ADARB2: variants seen among roughly 807,000 people sequenced by gnomAD.
ADARB2 encodes the protein inactive double-stranded RNA-specific editase B2.
A neutral mutation model predicts 62.2 loss-of-function variants in ADARB2; 25 were observed. The observed-to-expected ratio is 0.40, with a 90% confidence interval of 0.29 to 0.56. ADARB2 has a LOEUF of 0.56. ADARB2 is among the 20% of genes least tolerant of loss of function. ADARB2 has a pLI of 0.43. For synonymous variants in ADARB2, 572 were observed against 500.8 expected, an observed-to-expected ratio of 1.14 and a Z score of -1.90; for missense variants, 1,071 against 1,077.4, an observed-to-expected ratio of 0.99 and a Z score of 0.08.
chr10:1,714,969 AT>A (rs1011448327), intron 1 of ADARB2, among the ~76,000 whole-genome samples: 1 of 151,724 alleles, frequency 6.6e-6, no homozygotes, highest in Non-Finnish European at 1.5e-5. Context: ...GTCATTTAGC[AT>A]TAGGTATATC....
intron 3 of ADARB2, among the ~76,000 whole-genome samples, chr10:1,299,312 C>T (rs2387648): frequency 0.44 from 66,566 of 151,570 alleles, 16,226 homozygotes; most frequent in East Asian, 0.69. Flanking sequence ...GTGTGAGGGG[C>T]ACCTGCCTCA....
chr10:1,671,202 A>G (rs144113843), intron 1 of ADARB2, among the ~76,000 whole-genome samples: 451 of 152,234 alleles, frequency 3.0e-3, no homozygotes, highest in African/African-American at 1.0e-2. Flanking sequence ...CCGGCAAGCC[A>G]CAGCGTCTGC....
rs754871932 is a variant in ADARB2 at position 1,216,975 on chromosome 10, A to G, written c.1658T>C (p.Met553Thr). ...GVLLGEQLITMSCTDKIARWN... is the reference protein window; with the variant it reads ...GVLLGEQLITTSCTDKIARWN... Reference sequence around the variant, plus strand: ...CCTGGCGATCTTGTCCGTGCAGGACATGGTGATCAGCTGCTCCCCCAGCAG... The same window carrying G: ...CCTGGCGATCTTGTCCGTGCAGGACGTGGTGATCAGCTGCTCCCCCAGCAG... The change falls in exon 7 of 10, where the codon ATG becomes ACG. Residue 553 changes from methionine to threonine, a missense_variant. Coordinates refer to ENST00000381312, the MANE Select transcript of ADARB2 (RefSeq NM_018702.4). 2.5e-6 allele frequency: 4 copies of G among 1,608,610 alleles called. No individual in the cohort carries two copies. The highest frequency in any genetic ancestry group is 1.1e-5 in the South Asian group (1 of 90,958).
intron 3 of ADARB2, among the ~76,000 whole-genome samples, chr10:1,272,468 T>G (rs1564242905): frequency 1.3e-5 from 2 of 152,210 alleles, no homozygotes; most frequent in Non-Finnish European, 2.9e-5. Context: ...CAAAACAACC[T>G]AGCACCTCTC....
chr10:1,301,296 T>C (rs1214078324), intron 3 of ADARB2, among the ~76,000 whole-genome samples: 1 of 146,652 alleles, frequency 6.8e-6, no homozygotes, highest in Non-Finnish European at 1.5e-5. Flanking sequence ...TGCTGAATGT[T>C]CATAGAGATG....
chr10:1,349,508 C>T (rs1047093793), intron 3 of ADARB2, among the ~76,000 whole-genome samples: 1 of 152,204 alleles, frequency 6.6e-6, no homozygotes, highest in Non-Finnish European at 1.5e-5. Flanking sequence ...GAAAGATCCA[C>T]CTACAACCTC....
chr10:1,274,694 C>G (rs1377473101), intron 3 of ADARB2, among the ~76,000 whole-genome samples: 2 of 152,232 alleles, frequency 1.3e-5, no homozygotes, highest in Non-Finnish European at 2.9e-5. Flanking sequence ...ACAACAGGGA[C>G]TCATTCTGAG....
intron 1 of ADARB2, among the ~76,000 whole-genome samples, chr10:1,633,497 T>C (rs1833867136): frequency 6.7e-6 from 1 of 149,846 alleles, no homozygotes; most frequent in African/African-American, 2.4e-5. Flanking sequence ...AGTGAACATC[T>C]CAGGTAAGGG....
At chr10:1,257,277 C>T (rs1037973410) in intron 4 of ADARB2, among the ~76,000 whole-genome samples, 5 of 152,170 alleles carry the variant, frequency 3.3e-5, no homozygotes, top group East Asian at 1.9e-4. Flanking sequence ...TTGGGGAGGC[C>T]GCCCTGAACC....
chr10:1,450,858 A>AGGC (rs1371914377), intron 1 of ADARB2, among the ~76,000 whole-genome samples: 2 of 152,196 alleles, frequency 1.3e-5, no homozygotes, highest in Admixed American at 6.5e-5. Flanking sequence ...CACGAGCTGA[A>AGGC]GGCTGCTGCT....
chr10:1,703,435 G>C (rs963457772), intron 1 of ADARB2, among the ~76,000 whole-genome samples: 1 of 152,046 alleles, frequency 6.6e-6, no homozygotes, highest in African/African-American at 2.4e-5. Flanking sequence ...AGGCTGAGGG[G>C]TGGGGGGAGA....
chr10:1,189,835 GCGC>G, intron 8 of ADARB2, among the ~76,000 whole-genome samples: 1 of 91,092 alleles, frequency 1.1e-5, no homozygotes, highest in Non-Finnish European at 2.1e-5. Context: ...AGAACACGTG[GCGC>G]TACCTCCTTC....
chr10:1,380,303 G>C (rs571059016), intron 1 of ADARB2, among the ~76,000 whole-genome samples: 81 of 152,348 alleles, frequency 5.3e-4, no homozygotes, highest in African/African-American at 1.9e-3. Context: ...CTAAGTTCCA[G>C]GGCACTGGCT....
intron 1 of ADARB2, among the ~76,000 whole-genome samples, chr10:1,564,365 C>G (rs940139557): frequency 1.1e-4 from 17 of 152,194 alleles, no homozygotes; most frequent in Non-Finnish European, 1.8e-4. Flanking sequence ...GACTTCATGT[C>G]TAAAACACCA....
chr10:1,491,244 A>AT (rs1831618017), intron 1 of ADARB2, among the ~76,000 whole-genome samples: 1 of 151,752 alleles, frequency 6.6e-6, no homozygotes, highest in South Asian at 2.1e-4. Context: ...AATTGTTTTT[A>AT]TTTTTTGTAG....
At chr10:1,270,866 G>T in intron 4 of ADARB2, 89 bp downstream of exon 4, 2 of 1,121,282 alleles carry the variant, frequency 1.8e-6, no homozygotes, top group Non-Finnish European at 2.6e-6. Context: ...TTGTGGAAGA[G>T]AGAGCCTTTT....
chr10:1,362,664 G>A (rs887563472), intron 3 of ADARB2, among the ~76,000 whole-genome samples: 4 of 152,070 alleles, frequency 2.6e-5, no homozygotes, highest in Non-Finnish European at 4.4e-5. Flanking sequence ...CGCCTCCCTG[G>A]TGGAAAACTT....
At chr10:1,587,372 A>C (rs1833195135) in intron 1 of ADARB2, among the ~76,000 whole-genome samples, 1 of 152,150 alleles carries the variant, frequency 6.6e-6, no homozygotes, top group Non-Finnish European at 1.5e-5. Context: ...AGACAGAAGA[A>C]CTCAGCTTTG....
At chr10:1,265,952 G>C (rs1285599128) in intron 4 of ADARB2, among the ~76,000 whole-genome samples, 2 of 124,412 alleles carry the variant, frequency 1.6e-5, no homozygotes, top group Non-Finnish European at 3.4e-5. Flanking sequence ...GGCCTGAGAG[G>C]GGGGCCCAGA....
Sources: allele counts gnomAD v4.1 joint callset (sites outside exome capture counted in the v4.1 genomes callset), GRCh38; gene constraint gnomAD v4.1.1; transcripts MANE v1.5; gene names NCBI Gene and HGNC (gene_info 2026-07-23, HGNC 2026-07-21).